Variants in OTOGL observed in about 807,000 individuals in gnomAD.
OTOGL encodes the protein otogelin-like protein.
A neutral mutation model predicts 318.5 loss-of-function variants in OTOGL; 285 were observed. That is an observed-to-expected ratio of 0.89 (90% CI 0.81 to 0.99). The LOEUF is 0.99. Among genes scored for constraint, OTOGL ranks in the 50% least tolerant of loss-of-function variants. The probability of loss-of-function intolerance (pLI) is 0.00; values close to 1 mark genes in which losing one functional copy is unlikely to be tolerated. For synonymous variants in OTOGL, 987 were observed against 936.5 expected (o/e 1.05, Z -0.99); for missense variants, 2,899 against 2,845.6 (o/e 1.02, Z -0.43).
chr12:80,264,792 A>G (rs1565940382), intron 19 of OTOGL, among the ~76,000 whole-genome samples: 1 of 151,704 alleles, frequency 6.6e-6, no homozygotes, highest in African/African-American at 2.4e-5. Flanking sequence ...ACAATACACT[A>G]TTTTTTTTCC....
At chr12:80,229,157 G>T in intron 7 of OTOGL, 100 bp from the exon 8 acceptor site, 1 of 1,325,094 alleles carries the variant, frequency 7.5e-7, no homozygotes, top group Non-Finnish European at 1.0e-6. Flanking sequence ...AAGTGTCATG[G>T]GACTAATGAA....
intron 1 of OTOGL, among the ~76,000 whole-genome samples, chr12:80,134,843 C>A (rs546630014): frequency 6.6e-6 from 1 of 152,146 alleles, no homozygotes; most frequent in Non-Finnish European, 1.5e-5. Context: ...GTTTTCCATC[C>A]CCTCATATCT....
intron 1 of OTOGL, among the ~76,000 whole-genome samples, chr12:80,188,979 A>G (rs1875492820): frequency 6.6e-6 from 1 of 152,078 alleles, no homozygotes; most frequent in African/African-American, 2.4e-5. Context: ...TTTGGTTTAG[A>G]TCTTCATTAC....
intron 3 of OTOGL, 97 bp from the exon 4 acceptor site, chr12:80,211,852 G>A: frequency 1.0e-6 from 1 of 981,234 alleles, no homozygotes; most frequent in Non-Finnish European, 1.5e-6. Flanking sequence ...ATAAAGTGAT[G>A]GAAATCAGGA....
intron 26 of OTOGL, among the ~76,000 whole-genome samples, chr12:80,285,895 C>A (rs1374380493): frequency 6.6e-6 from 1 of 152,148 alleles, no homozygotes; most frequent in Admixed American, 6.5e-5. Flanking sequence ...CTGGCCAGAA[C>A]TTCCAACACT....
At chr12:80,366,406 T>G in intron 52 of OTOGL, 168 bp from the exon 53 acceptor site, 1 of 472,154 alleles carries the variant, frequency 2.1e-6, no homozygotes, top group South Asian at 1.6e-5. Flanking sequence ...TCAAACAATA[T>G]GATTTTAAAG....
intron 26 of OTOGL, among the ~76,000 whole-genome samples, chr12:80,284,347 ATG>A (rs1269387947): frequency 4.6e-5 from 7 of 152,264 alleles, no homozygotes; most frequent in East Asian, 1.9e-4. Flanking sequence ...ATACGTGTGC[ATG>A]TGTGTTTATA....
chr12:80,303,536 C>A (rs1885913534), intron 28 of OTOGL, among the ~76,000 whole-genome samples: 1 of 152,110 alleles, frequency 6.6e-6, no homozygotes, highest in African/African-American at 2.4e-5. Context: ...TGTATTAGTC[C>A]ATTTTCACAC....
intron 9 of OTOGL, among the ~76,000 whole-genome samples, chr12:80,233,355 G>T (rs1879550194): frequency 6.6e-6 from 1 of 152,162 alleles, no homozygotes; most frequent in South Asian, 2.1e-4. Flanking sequence ...ATTTGCTTTG[G>T]GTCAGAAGGT....
At chr12:80,373,500 T>A (rs1355097495) in intron 57 of OTOGL, among the ~76,000 whole-genome samples, 2 of 152,048 alleles carry the variant, frequency 1.3e-5, no homozygotes, top group Non-Finnish European at 2.9e-5. Context: ...TTCTTAGATA[T>A]GAACTGACAT....
chr12:80,287,930 T>A (rs146393058), intron 26 of OTOGL, among the ~76,000 whole-genome samples: 1 of 152,324 alleles, frequency 6.6e-6, no homozygotes, highest in East Asian at 1.9e-4. Flanking sequence ...GTGAATTTGA[T>A]CCTGTCATCA....
rs58720195 is a variant in OTOGL at position 80,291,903 on chromosome 12, T to G, written c.2929-4924T>G. On this transcript the variant is annotated intron_variant, in intron 26 of 58. Transcript: ENST00000547103. Reference sequence around the variant, plus strand: ...TCAAATTTTGCTCACAAGAGCATACTTTACTCAATTTGTTGTAAGCTATAA... The same window carrying G: ...TCAAATTTTGCTCACAAGAGCATACGTTACTCAATTTGTTGTAAGCTATAA... Among the ~76,000 whole-genome samples, 259 of 152,324 alleles carry G rather than the reference T, an allele frequency of 1.7e-3. 1 individual carries two copies. Among genetic ancestry groups the G allele is most frequent in the African/African-American group, 6.2e-3 (256 of 41,584 alleles).
chr12:80,184,696 C>T (rs1875165305), intron 1 of OTOGL, among the ~76,000 whole-genome samples: 1 of 152,126 alleles, frequency 6.6e-6, no homozygotes, highest in Non-Finnish European at 1.5e-5. Context: ...TCCAGGAAGG[C>T]TGGACTCCAA....
At chr12:80,180,062 C>T (rs796210595) in intron 1 of OTOGL, among the ~76,000 whole-genome samples, 9 of 152,350 alleles carry the variant, frequency 5.9e-5, no homozygotes, top group African/African-American at 2.2e-4. Context: ...AGTGCTATTA[C>T]TATTTTAGTA....
chr12:80,103,124 C>T (rs1479649044), intron 1 of OTOGL: 2 of 1,116,456 alleles, frequency 1.8e-6, no homozygotes, highest in Admixed American at 1.7e-5. Flanking sequence ...AAACCTGGAC[C>T]ACTTTGCCAA....
At position 80,355,960 on chromosome 12, in the gene OTOGL, G is replaced by GAAGCC. The variant is rs772671907; in HGVS notation, c.5806+13_5806+17dup. The stretch of plus-strand genomic sequence containing the variant: ...AAAGGAAGTTTGTGGTATGTATGCA[G>GAAGCC]AAGCCTTATAGTCAATTGATTCCAC... On this transcript the variant is annotated intron_variant, in intron 47 of 58. Transcript: ENST00000547103. 128 of 1,610,714 alleles carry GAAGCC rather than the reference G, an allele frequency of 7.9e-5. No homozygotes were observed. The highest frequency in any genetic ancestry group is 1.1e-4 in the Non-Finnish European group (124 of 1,177,056).
chr12:80,149,112 TGGA>T (rs972869923), intron 1 of OTOGL, among the ~76,000 whole-genome samples: 1 of 152,246 alleles, frequency 6.6e-6, no homozygotes, highest in Non-Finnish European at 1.5e-5. Flanking sequence ...TGCGTTCCTT[TGGA>T]GGAGGAGAGG....
At chr12:80,353,965 T>C (rs924984524) in intron 46 of OTOGL, among the ~76,000 whole-genome samples, 3 of 152,172 alleles carry the variant, frequency 2.0e-5, no homozygotes, top group African/African-American at 7.2e-5. Flanking sequence ...ATGTAAGAAA[T>C]GGCAGATGGT....
At chr12:80,345,493 TCCCAAAG>T (rs1297094081) in intron 44 of OTOGL, among the ~76,000 whole-genome samples, 29 of 151,876 alleles carry the variant, frequency 1.9e-4, no homozygotes, top group Admixed American at 1.9e-3. Context: ...TGCCTTGGCC[TCCCAAAG>T]TGTTGGGATT....
Sources: gnomAD v4.1 joint callset for allele counts (sites outside exome capture counted in the v4.1 genomes callset) on GRCh38, gnomAD v4.1.1 for gene constraint, MANE v1.5 for transcripts, NCBI Gene and HGNC (gene_info 2026-07-23, HGNC 2026-07-21) for gene names.